Variants in YIPF1 observed in about 807,000 individuals in gnomAD.
The protein encoded by YIPF1 is Yip1 domain family member 1.
In YIPF1, 22 loss-of-function variants were observed where a neutral mutation model predicts 37.0. That is an observed-to-expected ratio of 0.59 (90% CI 0.42 to 0.85). The LOEUF is 0.85. YIPF1 is among the 40% of genes least tolerant of loss of function. YIPF1 has a pLI of 0.00. For missense variants in YIPF1, 355 were observed against 373.1 expected (o/e 0.95, Z 0.40); for synonymous variants, 128 against 131.9 (o/e 0.97, Z 0.21).
intron 3 of YIPF1, among the ~76,000 whole-genome samples, chr1:53,885,056 G>C (rs76882044): frequency 0.018 from 2,723 of 152,264 alleles, 87 homozygotes; most frequent in African/African-American, 0.062. Context: ...GGAGTGAGAT[G>C]GTCCTTTGTT....
chr1:53,871,210 A>G (rs564328955), intron 7 of YIPF1, among the ~76,000 whole-genome samples, 162 bp downstream of exon 7: 3 of 152,236 alleles, frequency 2.0e-5, no homozygotes, highest in Non-Finnish European at 4.4e-5. Flanking sequence ...ATTTATATAG[A>G]TGGGTGGTAA....
chr1:53,869,833 C>T (rs1466485020), intron 7 of YIPF1, among the ~76,000 whole-genome samples: 1 of 151,834 alleles, frequency 6.6e-6, no homozygotes, highest in Non-Finnish European at 1.5e-5. Context: ...TGCATTTTCC[C>T]TTCCAGGCTT....
At chr1:53,883,043 T>C (rs3737835) in intron 4 of YIPF1, 70 bp downstream of exon 4, 62,742 of 1,483,706 alleles carry the variant, frequency 0.042, 1,646 homozygotes, top group East Asian at 0.11. Context: ...TGGCACACAG[T>C]AGACAGTGAA....
At chr1:53,865,369 C>A (rs1202168998) in intron 9 of YIPF1, among the ~76,000 whole-genome samples, 1 of 152,040 alleles carries the variant, frequency 6.6e-6, no homozygotes, top group African/African-American at 2.4e-5. Context: ...GAAAAATATT[C>A]TTTAAAAATA....
At position 53,889,764 on chromosome 1, in the gene YIPF1, C is replaced by T. The variant is rs977453378; in HGVS notation, c.-321G>A. The T allele has an allele frequency of 1.6e-4, 25 of 152,460 alleles. No homozygotes were observed. Among genetic ancestry groups the T allele is most frequent in the African/African-American group, 5.8e-4 (24 of 41,588 alleles). The allele number at this position is 152,460 out of a possible 1,614,324, so 9.4% of individuals were successfully genotyped here. ...CCCGAGAAGGCTCGGGCCTCAGTTG[C>T]TCCGCGCCGGTTTCGGTCCAGCCCA... On this transcript the variant is annotated 5_prime_UTR_variant, in exon 1 of 11. Transcript: ENST00000072644.
chr1:53,862,648 AG>A (rs775831378), intron 9 of YIPF1, among the ~76,000 whole-genome samples: 41 of 152,172 alleles, frequency 2.7e-4, no homozygotes, highest in Non-Finnish European at 5.0e-4. Flanking sequence ...CGTGTTCCCC[AG>A]GGGAGAGTGA....
At chr1:53,883,781 T>C (rs1650566906) in intron 3 of YIPF1, among the ~76,000 whole-genome samples, 1 of 152,234 alleles carries the variant, frequency 6.6e-6, no homozygotes, top group Non-Finnish European at 1.5e-5. Flanking sequence ...CTCACGCCTG[T>C]AATCCCAGCA....
At chr1:53,871,702 T>G (rs148540966) in intron 6 of YIPF1, among the ~76,000 whole-genome samples, 327 of 152,196 alleles carry the variant, frequency 2.1e-3, no homozygotes, top group Middle Eastern at 3.4e-3. Context: ...GTGTTGGTAC[T>G]CCAATCCAAA....
intron 7 of YIPF1, 73 bp from the exon 8 acceptor site, chr1:53,866,997 T>C: frequency 6.7e-7 from 1 of 1,502,540 alleles, no homozygotes; most frequent in Non-Finnish European, 8.9e-7. Context: ...TCCAACACCT[T>C]ATTGTACTTA....
At chr1:53,869,174 A>G (rs1650112029) in intron 7 of YIPF1, among the ~76,000 whole-genome samples, 1 of 151,712 alleles carries the variant, frequency 6.6e-6, no homozygotes, top group Admixed American at 6.6e-5. Context: ...ACACACACAC[A>G]CACACACACA....
At chr1:53,877,951 A>C (rs1569640985) in intron 6 of YIPF1, among the ~76,000 whole-genome samples, 1 of 152,044 alleles carries the variant, frequency 6.6e-6, no homozygotes, top group Admixed American at 6.6e-5. Flanking sequence ...CACTGTGCCA[A>C]CCCAGCCTTT....
intron 3 of YIPF1, among the ~76,000 whole-genome samples, chr1:53,885,813 C>T (rs1442221634): frequency 2.9e-5 from 2 of 69,338 alleles, no homozygotes; most frequent in Admixed American, 3.9e-4. Context: ...GAGCGAGACT[C>T]GGTCTCAAAA....
At position 53,883,196 on chromosome 1, in the gene YIPF1, T is replaced by A. The variant is rs199947525; in HGVS notation, c.112A>T (p.Lys38Ter). ...VNIEDPGETP[K>*]HQPGSPRGSG... ...CCTCTTGGGGATCCTGGCTGATGTTTTGGGGTTTCACCAGGATCCTCAATG... is the reference window on the plus strand; with the variant it reads ...CCTCTTGGGGATCCTGGCTGATGTTATGGGGTTTCACCAGGATCCTCAATG... Residue 38 changes from lysine (K) to a stop codon, truncating the protein, a stop_gained, in exon 4 of 11, where the codon AAA (lysine) becomes TAA (stop). Transcript: ENST00000072644. LOFTEE classifies it high-confidence loss of function. 1.2e-6 allele frequency: 2 copies of A among 1,601,684 alleles called. No individual in the cohort carries two copies. The highest frequency in any genetic ancestry group is 2.7e-5 in the African/African-American group (2 of 74,412).
intron 3 of YIPF1, among the ~76,000 whole-genome samples, chr1:53,888,648 G>C (rs921165076): frequency 6.6e-6 from 1 of 152,138 alleles, no homozygotes; most frequent in African/African-American, 2.4e-5. Flanking sequence ...AACTAAAGCA[G>C]GAACTGTGTA....
chr1:53,871,780 G>A lies in YIPF1; in HGVS notation c.365-292C>T, dbSNP rs543200938. Among the ~76,000 whole-genome samples the A allele has an allele frequency of 2.6e-5, 4 of 152,174 alleles. No individual in the cohort carries two copies. The South Asian group carries it at 8.3e-4, about 32-fold the overall frequency. ...TTCTGTATAGCTTCTTTTGTTGGAG[G>A]ATCACCACCGACAAAGAAAAATTCA... On this transcript the variant is annotated intron_variant, in intron 6 of 10. Coordinates refer to ENST00000072644, the MANE Select transcript of YIPF1 (RefSeq NM_018982.5).
intron 6 of YIPF1, among the ~76,000 whole-genome samples, chr1:53,874,931 A>C (rs980886166): frequency 6.6e-6 from 1 of 152,098 alleles, no homozygotes; most frequent in Non-Finnish European, 1.5e-5. Context: ...CAATGTATCC[A>C]TTCTCCTGCT....
At chr1:53,880,147 T>A (rs1380800917) in intron 4 of YIPF1, among the ~76,000 whole-genome samples, 1 of 152,118 alleles carries the variant, frequency 6.6e-6, no homozygotes, top group African/African-American at 2.4e-5. Context: ...CATGTTTCTA[T>A]ATCTAAAAAA....
chr1:53,866,052 G>A, intron 9 of YIPF1, 148 bp downstream of exon 9: 3 of 964,776 alleles, frequency 3.1e-6, no homozygotes, highest in Non-Finnish European at 4.4e-6. Context: ...CGCCCACTTG[G>A]GCCTCCCAAA....
chr1:53,877,341 C>A (rs779968943), intron 6 of YIPF1, among the ~76,000 whole-genome samples: 2 of 152,222 alleles, frequency 1.3e-5, no homozygotes, highest in Non-Finnish European at 2.9e-5. Flanking sequence ...TACTATTTAT[C>A]ATTTCTGATT....
Sources: allele counts gnomAD v4.1 joint callset (sites outside exome capture counted in the v4.1 genomes callset), GRCh38; gene constraint gnomAD v4.1.1; transcripts MANE v1.5; gene names NCBI Gene and HGNC (gene_info 2026-07-23, HGNC 2026-07-21).